The following GALNT7 variants were observed in gnomAD, a reference collection of about 807,000 sequenced individuals.
GALNT7 encodes N-acetylgalactosaminyltransferase 7.
In GALNT7, 60 loss-of-function variants were observed where a neutral mutation model predicts 82.1. That is an observed-to-expected ratio of 0.73 (90% CI 0.59 to 0.91). GALNT7 has a LOEUF of 0.91. Among genes scored for constraint, GALNT7 ranks in the 40% least tolerant of loss-of-function variants. GALNT7 has a pLI of 0.00. For synonymous variants in GALNT7, 243 were observed against 275.1 expected (o/e 0.88, Z 1.15); for missense variants, 660 against 804.2 (o/e 0.82, Z 2.17).
intron 2 of GALNT7, among the ~76,000 whole-genome samples, chr4:173,281,608 A>T (rs902143992): frequency 6.6e-6 from 1 of 152,110 alleles, no homozygotes; most frequent in Non-Finnish European, 1.5e-5. Context: ...GTGGAAAGGG[A>T]AGTTGTCTCT....
At chr4:173,270,198 A>G (rs1447333241) in intron 2 of GALNT7, among the ~76,000 whole-genome samples, 2 of 152,182 alleles carry the variant, frequency 1.3e-5, no homozygotes, top group African/African-American at 2.4e-5. Flanking sequence ...ATTTGGAGGT[A>G]CAGGGGAAAT....
chr4:173,191,448 C>T (rs1732626547), intron 1 of GALNT7, among the ~76,000 whole-genome samples: 1 of 152,096 alleles, frequency 6.6e-6, no homozygotes. Flanking sequence ...AGGCTGTTGG[C>T]AAGAAATTTT....
intron 8 of GALNT7, among the ~76,000 whole-genome samples, chr4:173,310,432 C>G (rs1404620663): frequency 6.6e-6 from 1 of 152,144 alleles, no homozygotes; most frequent in African/African-American, 2.4e-5. Context: ...TAAATAGCCT[C>G]CTACTTGGCT....
intron 1 of GALNT7, among the ~76,000 whole-genome samples, chr4:173,214,506 A>C (rs1307305524): frequency 6.6e-6 from 1 of 152,226 alleles, no homozygotes; most frequent in Non-Finnish European, 1.5e-5. Flanking sequence ...CTCTATGATT[A>C]GATTGAGTCT....
intron 1 of GALNT7, among the ~76,000 whole-genome samples, chr4:173,218,149 G>T (rs1354488892): frequency 1.3e-5 from 2 of 152,150 alleles, no homozygotes; most frequent in African/African-American, 4.8e-5. Context: ...TGATAATAAA[G>T]ATAGATTAGT....
intron 1 of GALNT7, among the ~76,000 whole-genome samples, chr4:173,205,956 G>GGCTGCAGGATCCTGCCTGGT (rs1733080524): frequency 6.6e-6 from 1 of 152,102 alleles, no homozygotes; most frequent in Non-Finnish European, 1.5e-5. Context: ...TAGAGCCTGG[G>GGCTGCAGGATCCTGCCTGGT]GCTGCAGGAT....
intron 1 of GALNT7, among the ~76,000 whole-genome samples, chr4:173,172,652 T>C (rs980096014): frequency 6.6e-6 from 1 of 152,120 alleles, no homozygotes; most frequent in African/African-American, 2.4e-5. Context: ...TACTCTGACT[T>C]TTGAGGCGAA....
chr4:173,313,530 CA>C (rs1226344187), intron 8 of GALNT7, among the ~76,000 whole-genome samples: 2 of 148,276 alleles, frequency 1.3e-5, no homozygotes, highest in Admixed American at 6.7e-5. Flanking sequence ...AAGATTGCAC[CA>C]CTGCACCCTA....
intron 2 of GALNT7, among the ~76,000 whole-genome samples, chr4:173,249,428 T>A (rs992426037): frequency 6.6e-6 from 1 of 152,150 alleles, no homozygotes; most frequent in African/African-American, 2.4e-5. Flanking sequence ...TCCTGTACAT[T>A]TACTGGTAAA....
At chr4:173,290,875 T>A (rs961071506) in intron 2 of GALNT7, among the ~76,000 whole-genome samples, 1 of 152,140 alleles carries the variant, frequency 6.6e-6, no homozygotes, top group African/African-American at 2.4e-5. Context: ...TTGTCCCCTG[T>A]CCTCTGTAAG....
chr4:173,253,372 G>T (rs1734914883), intron 2 of GALNT7, among the ~76,000 whole-genome samples: 2 of 152,176 alleles, frequency 1.3e-5, no homozygotes, highest in African/African-American at 4.8e-5. Context: ...CAGCTGGGAA[G>T]ATAGTAGGGC....
chr4:173,188,502 G>C (rs1732524101), intron 1 of GALNT7, among the ~76,000 whole-genome samples: 1 of 152,224 alleles, frequency 6.6e-6, no homozygotes, highest in Non-Finnish European at 1.5e-5. Flanking sequence ...CTATAGAAAA[G>C]AAACTTCAGC....
chr4:173,199,422 C>T (rs1732875497), intron 1 of GALNT7, among the ~76,000 whole-genome samples: 1 of 152,174 alleles, frequency 6.6e-6, no homozygotes, highest in Admixed American at 6.5e-5. Context: ...GTTGTTAGGA[C>T]AGTGCCTGGA....
At chr4:173,298,051 G>T (rs921968645) in intron 5 of GALNT7, 64 bp from the exon 6 acceptor site, 4 of 1,563,182 alleles carry the variant, frequency 2.6e-6, no homozygotes, top group Non-Finnish European at 3.5e-6. Context: ...CCATGAACTC[G>T]TATAAATGTG....
chr4:173,268,712 T>C (rs984081764), intron 2 of GALNT7, among the ~76,000 whole-genome samples: 1 of 149,832 alleles, frequency 6.7e-6, no homozygotes, highest in African/African-American at 2.5e-5. Context: ...TTTTTTTTTT[T>C]GTATTTTTAG....
intron 5 of GALNT7, among the ~76,000 whole-genome samples, chr4:173,297,396 G>A (rs1300123829): frequency 6.6e-6 from 1 of 152,116 alleles, no homozygotes; most frequent in African/African-American, 2.4e-5. Context: ...TACTATCTGT[G>A]ACCCCACACA....
intron 1 of GALNT7, among the ~76,000 whole-genome samples, chr4:173,244,099 A>G (rs539412818): frequency 2.0e-5 from 3 of 152,322 alleles, no homozygotes; most frequent in Admixed American, 6.5e-5. Context: ...CTCTGTAAAT[A>G]CATGGTTACT....
Position 173,298,178 on chromosome 4 carries a change from AG to A in GALNT7, c.1034del (p.Gly345ValfsTer23). 6.2e-7 allele frequency: 1 copy of A among 1,612,818 alleles called. No individual in the cohort carries two copies. The highest frequency in any genetic ancestry group is 8.5e-7 in the Non-Finnish European group (1 of 1,178,812). On this transcript the variant is annotated frameshift_variant, in exon 6 of 12. Coordinates refer to ENST00000265000, the MANE Select transcript of GALNT7 (RefSeq NM_017423.3). LOFTEE classifies it high-confidence loss of function. ...GCAACACATATGAAATTATACCCCA[AG>A]GGGGTGGTGATGAAGATGGGTATGC... ...NGNTYEIIPQ[G>X]GGDEDGYARG... is the part of the protein sequence containing the mutation.
chr4:173,190,778 C>T (rs911683145), intron 1 of GALNT7, among the ~76,000 whole-genome samples: 1 of 151,994 alleles, frequency 6.6e-6, no homozygotes, highest in African/African-American at 2.4e-5. Context: ...ACATTTATTG[C>T]TTTGCTTGGT....
Sources: gnomAD v4.1 joint callset for allele counts (sites outside exome capture counted in the v4.1 genomes callset) on GRCh38, gnomAD v4.1.1 for gene constraint, MANE v1.5 for transcripts, NCBI Gene and HGNC (gene_info 2026-07-23, HGNC 2026-07-21) for gene names.